Variants in SYAP1 observed in about 807,000 individuals in gnomAD.
SYAP1 encodes the protein synapse-associated protein 1.
SYAP1 carries 3 observed loss-of-function variants against 29.6 expected under a neutral mutation model. That is an observed-to-expected ratio of 0.10 (90% CI 0.05 to 0.26). SYAP1 has a LOEUF of 0.26. Ranked by LOEUF, SYAP1 falls within the 10% of genes least tolerant of loss-of-function variation. SYAP1 has a pLI of 1.00. For missense variants in SYAP1, 217 were observed against 264.1 expected (o/e 0.82, Z 1.24); for synonymous variants, 102 against 102.7 (o/e 0.99, Z 0.04).
At chrX:16,729,408 C>G (rs947628798) in intron 1 of SYAP1, among the ~76,000 whole-genome samples, 1 of 110,942 alleles carries the variant, frequency 9.0e-6, no homozygotes. Context: ...CTTTTATAAC[C>G]CTTTATAATT....
intron 8 of SYAP1, among the ~76,000 whole-genome samples, chrX:16,759,074 C>G (rs1284311954): frequency 9.2e-6 from 1 of 108,260 alleles, no homozygotes; most frequent in Non-Finnish European, 1.9e-5. Context: ...TGCCTGTAGT[C>G]CCAGCTACTT....
At chrX:16,730,002 A>G (rs1325602326) in intron 1 of SYAP1, among the ~76,000 whole-genome samples, 1 of 111,938 alleles carries the variant, frequency 8.9e-6, no homozygotes, top group East Asian at 2.8e-4. Flanking sequence ...TACCAAAAGC[A>G]TATTTTACTT....
At position 16,760,357 on chromosome X, in the gene SYAP1, T is replaced by C; in HGVS notation, c.1057T>C (p.Ter353GlnextTer5). 8.4e-7 allele frequency: 1 copy of C among 1,187,105 alleles called. No homozygotes were observed. Among genetic ancestry groups the C allele is most frequent in the Non-Finnish European group, 1.1e-6 (1 of 886,406 alleles). The change falls in exon 9 of 9, where the codon TAG becomes CAG. Residue 353 changes from the stop codon to glutamine (Q), a stop_lost. Coordinates refer to ENST00000380155, the MANE Select transcript of SYAP1 (RefSeq NM_032796.4). ...EIEKMLQEEN* is the reference protein window; with the variant it reads ...EIEKMLQEENQ ...AGAGAAAATGCTTCAAGAGGAAAATTAGCTGTTCCTGAAATAGAAGAATAA... is the reference window on the plus strand; with the variant it reads ...AGAGAAAATGCTTCAAGAGGAAAATCAGCTGTTCCTGAAATAGAAGAATAA...
intron 5 of SYAP1, among the ~76,000 whole-genome samples, chrX:16,744,823 G>A (rs915601904): frequency 8.1e-5 from 9 of 111,134 alleles, no homozygotes; most frequent in Admixed American, 1.9e-4. Context: ...AGAATTAGCC[G>A]GGCGTAGTGG....
At chrX:16,756,599 T>A (rs1229529808) in intron 6 of SYAP1, 64 bp from the exon 7 acceptor site, 1 of 933,319 alleles carries the variant, frequency 1.1e-6, no homozygotes, top group Non-Finnish European at 1.5e-6. Context: ...TATTTTACTG[T>A]GATTATAATA....
intron 5 of SYAP1, among the ~76,000 whole-genome samples, chrX:16,748,987 C>T (rs772138197): frequency 2.7e-5 from 3 of 110,606 alleles, no homozygotes; most frequent in African/African-American, 9.9e-5. Flanking sequence ...AATCTCTTGA[C>T]CTTGCAATCT....
intron 1 of SYAP1, among the ~76,000 whole-genome samples, chrX:16,733,909 C>T (rs1022683213): frequency 9.1e-6 from 1 of 110,307 alleles, no homozygotes; most frequent in Non-Finnish European, 1.9e-5. Context: ...CTGCCCGCCT[C>T]GGCCTCCCAA....
intron 6 of SYAP1, 78 bp downstream of exon 6, chrX:16,755,171 T>G: frequency 9.9e-7 from 1 of 1,013,582 alleles, no homozygotes; most frequent in Non-Finnish European, 1.4e-6. Flanking sequence ...CTCTTATACG[T>G]ACCAGAAATG....
intron 1 of SYAP1, among the ~76,000 whole-genome samples, chrX:16,721,735 C>T (rs1461390301): frequency 9.1e-6 from 1 of 109,651 alleles, no homozygotes; most frequent in African/African-American, 3.3e-5. Context: ...CAGTGTTTCA[C>T]CATGTTGGTC....
At chrX:16,740,528 T>A (rs1926436965) in intron 3 of SYAP1, among the ~76,000 whole-genome samples, 1 of 110,497 alleles carries the variant, frequency 9.1e-6, no homozygotes, top group Admixed American at 9.8e-5. Context: ...TGGAAAAAAT[T>A]TTAATTTACA....
In SYAP1 at chrX:16,743,502, C is replaced by T. The variant is rs764707541; in HGVS notation, c.436-199C>T. Among the ~76,000 whole-genome samples the T allele has an allele frequency of 3.0e-3, 322 of 107,414 alleles. 2 individuals are homozygous for T. The highest frequency in any genetic ancestry group is 4.8e-3 in the Non-Finnish European group (250 of 51,993). 93.3% of individuals were successfully genotyped at this position (107,414 alleles called of 115,157 possible). On this transcript the variant is annotated intron_variant, in intron 4 of 8. Coordinates refer to ENST00000380155, the MANE Select transcript of SYAP1 (RefSeq NM_032796.4). ...TACAAAAATTAGCCAGGCGCAGTGG[C>T]GGGTGCCTATAATCCCAGCTACTCG...
At chrX:16,746,454 C>G (rs1926610713) in intron 5 of SYAP1, among the ~76,000 whole-genome samples, 1 of 110,559 alleles carries the variant, frequency 9.0e-6, no homozygotes, top group Admixed American at 9.8e-5. Context: ...CCAGGCTGGT[C>G]TCGAACTCCT....
At chrX:16,757,638 G>A (rs1926875314) in intron 8 of SYAP1, among the ~76,000 whole-genome samples, 1 of 110,933 alleles carries the variant, frequency 9.0e-6, no homozygotes, top group Admixed American at 9.8e-5. Context: ...CAGGAGAATG[G>A]CATGAACCTG....
intron 4 of SYAP1, among the ~76,000 whole-genome samples, chrX:16,742,142 G>GTT (rs1569250113): frequency 1.6e-4 from 10 of 63,504 alleles, no homozygotes; most frequent in African/African-American, 9.9e-4. Flanking sequence ...ATTTTTGTGT[G>GTT]GTTTTTTTTT....
rs189421175 is a variant in SYAP1 at position 16,729,846 on chromosome X, A to G, written c.176-5381A>G. 3.2e-3 allele frequency among the ~76,000 whole-genome samples: 355 copies of G among 111,623 alleles called. 3 individuals carry two copies. The highest frequency in any genetic ancestry group is 0.011 in the African/African-American group (344 of 30,765). ...GGATGATACTCTTTTAACTTTAGCC[A>G]GTATGTTTACACACAGAATTTCCTT... is the stretch of plus-strand genomic sequence containing the variant. On this transcript the variant is annotated intron_variant, in intron 1 of 8. Transcript: ENST00000380155.
intron 1 of SYAP1, 133 bp downstream of exon 1, chrX:16,720,032 T>G (rs1925925850): frequency 1.6e-6 from 1 of 641,119 alleles, no homozygotes; most frequent in African/African-American, 2.3e-5. Flanking sequence ...GATGTGTCTG[T>G]CGGTCAGTCC....
chrX:16,720,353 A>G (rs535835438), intron 1 of SYAP1, among the ~76,000 whole-genome samples: 5 of 112,514 alleles, frequency 4.4e-5, no homozygotes, highest in Middle Eastern at 4.6e-3. Flanking sequence ...CTGAATGTCA[A>G]TGTCTGCCCC....
chrX:16,743,625 C>CA (rs371508958), intron 4 of SYAP1, 76 bp from the exon 5 acceptor site: 98,675 of 742,068 alleles, frequency 0.13, 3 homozygotes, highest in Non-Finnish European at 0.15. Context: ...CAACCCGTCT[C>CA]AAAAAAAAAA....
rs1245103468 is a variant in SYAP1, at chrX:16,736,580, T to C, written c.361+348T>C. 4 of 123,585 alleles carry C rather than the reference T, an allele frequency of 3.2e-5. No homozygotes were observed. In the East Asian group the frequency reaches 9.1e-4, roughly 28 times the overall value. The allele number at this position is 123,585 out of a possible 1,213,427, so 10.2% of individuals were successfully genotyped here. A position where few individuals can be genotyped will look rare whatever the true frequency, so the allele number is the denominator to read the frequency against. The stretch of plus-strand genomic sequence containing the variant: ...GTGCAATGGCGTGATCTCAGCTCAC[T>C]GCAACCTCTGCCTCCCAGATTCAAG... On this transcript the variant is annotated intron_variant, in intron 3 of 8. Coordinates refer to ENST00000380155, the MANE Select transcript of SYAP1 (RefSeq NM_032796.4).
Sources: allele counts gnomAD v4.1 joint callset (sites outside exome capture counted in the v4.1 genomes callset), GRCh38; gene constraint gnomAD v4.1.1; transcripts MANE v1.5; gene names NCBI Gene and HGNC (gene_info 2026-07-23, HGNC 2026-07-21).